Variants in ESRRB observed in about 807,000 individuals in gnomAD.
ESRRB encodes the protein estrogen related receptor beta.
In ESRRB, 16 loss-of-function variants were observed where a neutral mutation model predicts 46.0. The ratio of observed to expected loss-of-function variants is 0.35; its 90% confidence interval spans 0.24 to 0.53. ESRRB has a LOEUF of 0.53. Among genes scored for constraint, ESRRB ranks in the 20% least tolerant of loss-of-function variants. ESRRB has a pLI of 0.93. For missense variants in ESRRB, 488 were observed against 607.4 expected (o/e 0.80, Z 2.07); for synonymous variants, 246 against 259.6 (o/e 0.95, Z 0.50).
intron 3 of ESRRB, among the ~76,000 whole-genome samples, chr14:76,480,191 G>A (rs2140027531): frequency 6.6e-6 from 1 of 152,258 alleles, no homozygotes; most frequent in Middle Eastern, 3.4e-3. Context: ...AAGCCTGGGT[G>A]GGCTGCTGAG....
chr14:76,428,625 T>A (rs900896478), intron 1 of ESRRB, among the ~76,000 whole-genome samples: 3 of 152,092 alleles, frequency 2.0e-5, no homozygotes, highest in African/African-American at 7.2e-5. Flanking sequence ...GTGGCCACTC[T>A]CCGTGAGCCT....
chr14:76,367,933 A>G (rs372920464), upstream of ESRRB, among the ~76,000 whole-genome samples: 144 of 140,902 alleles, frequency 1.0e-3, no homozygotes, highest in African/African-American at 3.6e-3. Flanking sequence ...CCTTTCCACA[A>G]CACCCTTCCA....
At chr14:76,415,703 C>T (rs1886668825) in intron 1 of ESRRB, among the ~76,000 whole-genome samples, 1 of 152,116 alleles carries the variant, frequency 6.6e-6, no homozygotes, top group South Asian at 2.1e-4. Context: ...ATGGGGGTCT[C>T]ACTGTATTGC....
rs1290173585 is a variant in ESRRB at position 76,501,157 on chromosome 14, G to A, written c.*2699G>A. 2 of 205,250 alleles carry A rather than the reference G, an allele frequency of 9.7e-6. No individual in the cohort carries two copies. The highest frequency in any genetic ancestry group is 4.6e-5 in the African/African-American group (2 of 43,776). The allele number at this position is 205,250 out of a possible 1,614,324, so 12.7% of individuals were successfully genotyped here. A position where few individuals can be genotyped will look rare whatever the true frequency, so the allele number is the denominator to read the frequency against. On this transcript the variant is annotated 3_prime_UTR_variant, in exon 7 of 7. Transcript: ENST00000644823. Reference sequence around the variant, plus strand: ...GCCATTTCTGGAAAATCTGTAAAGAGGAAACAGCCTGTCTCAGCTGTACTC... The same window carrying A: ...GCCATTTCTGGAAAATCTGTAAAGAAGAAACAGCCTGTCTCAGCTGTACTC...
intron 2 of ESRRB, among the ~76,000 whole-genome samples, chr14:76,455,389 G>C (rs746181294): frequency 5.3e-5 from 8 of 151,848 alleles, no homozygotes; most frequent in Non-Finnish European, 7.4e-5. Flanking sequence ...CTTCTTTCTT[G>C]ACTTGCTGTT....
At chr14:76,399,130 G>T (rs1166481732) in intron 1 of ESRRB, among the ~76,000 whole-genome samples, 1 of 152,158 alleles carries the variant, frequency 6.6e-6, no homozygotes, top group East Asian at 1.9e-4. Context: ...TGGATGGTCT[G>T]GGAGGGAAGG....
At chr14:76,328,980 T>C (rs2139734573) in intron 1 of ESRRB, among the ~76,000 whole-genome samples, 1 of 152,170 alleles carries the variant, frequency 6.6e-6, no homozygotes, top group East Asian at 1.9e-4. Context: ...TGGAGTCCAG[T>C]TCAAAAGAGA....
intron 1 of ESRRB, among the ~76,000 whole-genome samples, chr14:76,426,196 G>A (rs60408649): frequency 0.19 from 28,569 of 152,130 alleles, 2,803 homozygotes; most frequent in Admixed American, 0.25. Flanking sequence ...ATCCCCCAGG[G>A]TCTTGGAGCC....
intron 1 of ESRRB, among the ~76,000 whole-genome samples, chr14:76,416,609 AC>A (rs1208564029): frequency 2.6e-5 from 4 of 152,020 alleles, no homozygotes; most frequent in African/African-American, 9.7e-5. Flanking sequence ...AGCTAGGATT[AC>A]AGATACCCAC....
At chr14:76,343,123 C>G (rs1416988653) in intron 1 of ESRRB, among the ~76,000 whole-genome samples, 1 of 152,092 alleles carries the variant, frequency 6.6e-6, no homozygotes, top group Non-Finnish European at 1.5e-5. Flanking sequence ...GCAGCCCAGG[C>G]AGAAGGAACA....
At chr14:76,378,875 AGCC>A (rs1884891789) in intron 1 of ESRRB, among the ~76,000 whole-genome samples, 1 of 152,140 alleles carries the variant, frequency 6.6e-6, no homozygotes, top group Non-Finnish European at 1.5e-5. Flanking sequence ...AGTAGGACAA[AGCC>A]ATTCATTATA....
intron 2 of ESRRB, among the ~76,000 whole-genome samples, chr14:76,460,556 G>A (rs1434470955): frequency 6.6e-6 from 1 of 152,186 alleles, no homozygotes; most frequent in Non-Finnish European, 1.5e-5. Context: ...TCAGGAGGTG[G>A]GGCTGGAACG....
intron 1 of ESRRB, among the ~76,000 whole-genome samples, chr14:76,333,715 A>G (rs554213574): frequency 6.6e-6 from 1 of 151,958 alleles, no homozygotes; most frequent in African/African-American, 2.4e-5. Context: ...TATCATTTCG[A>G]CATATAGGTA....
At chr14:76,314,298 A>G (rs1475679924) in intron 1 of ESRRB, among the ~76,000 whole-genome samples, 1 of 152,160 alleles carries the variant, frequency 6.6e-6, no homozygotes, top group Non-Finnish European at 1.5e-5. Context: ...ATTTGCTCAG[A>G]AAAGAGTGTC....
At chr14:76,400,602 C>T (rs942262133) in intron 1 of ESRRB, among the ~76,000 whole-genome samples, 1 of 152,132 alleles carries the variant, frequency 6.6e-6, no homozygotes, top group African/African-American at 2.4e-5. Flanking sequence ...TTGTATTGGT[C>T]CCAGTTTGGG....
chr14:76,443,251 C>T (rs756306721), intron 2 of ESRRB, among the ~76,000 whole-genome samples: 24 of 152,126 alleles, frequency 1.6e-4, no homozygotes, highest in Admixed American at 5.2e-4. Flanking sequence ...CAGAAGGACC[C>T]CTTTACCATC....
At chr14:76,334,112 A>C (rs1300317725) in intron 1 of ESRRB, among the ~76,000 whole-genome samples, 1 of 152,184 alleles carries the variant, frequency 6.6e-6, no homozygotes, top group Non-Finnish European at 1.5e-5. Context: ...AGCTATTAAT[A>C]AGAATTATAA....
At chr14:76,350,180 G>A (rs1377963739) in intron 1 of ESRRB, among the ~76,000 whole-genome samples, 1 of 152,146 alleles carries the variant, frequency 6.6e-6, no homozygotes, top group Admixed American at 6.5e-5. Flanking sequence ...CTGAATCTCT[G>A]CTCCTCTCCC....
intron 1 of ESRRB, among the ~76,000 whole-genome samples, chr14:76,428,392 A>G (rs1447859399): frequency 1.3e-5 from 2 of 151,958 alleles, no homozygotes; most frequent in Non-Finnish European, 2.9e-5. Context: ...AGATGTCAGA[A>G]CTCCAATAGC....
Sources: allele counts gnomAD v4.1 joint callset (sites outside exome capture counted in the v4.1 genomes callset), GRCh38; gene constraint gnomAD v4.1.1; transcripts MANE v1.5; gene names NCBI Gene and HGNC (gene_info 2026-07-23, HGNC 2026-07-21).